The following PPM1L variants were observed in gnomAD, a reference collection of about 807,000 sequenced individuals.
PPM1L encodes protein phosphatase, Mg2+/Mn2+ dependent 1L.
In PPM1L, 13 loss-of-function variants were observed where a neutral mutation model predicts 31.4. The ratio of observed to expected loss-of-function variants is 0.41; its 90% confidence interval spans 0.27 to 0.66. The LOEUF (loss-of-function observed/expected upper bound fraction) is 0.66. Among genes scored for constraint, PPM1L ranks in the 30% least tolerant of loss-of-function variants. PPM1L has a pLI of 0.29. For synonymous variants in PPM1L, 184 were observed against 175.4 expected (o/e 1.05, Z -0.39); for missense variants, 326 against 453.7 (o/e 0.72, Z 2.56).
At chr3:160,794,262 A>G (rs950652445) in intron 1 of PPM1L, among the ~76,000 whole-genome samples, 5 of 152,170 alleles carry the variant, frequency 3.3e-5, no homozygotes, top group Non-Finnish European at 5.9e-5. Flanking sequence ...ATGTCAAATT[A>G]CTTGTCGACC....
chr3:160,915,638 C>A (rs1394043324), intron 1 of PPM1L, among the ~76,000 whole-genome samples: 2 of 152,194 alleles, frequency 1.3e-5, no homozygotes, highest in Non-Finnish European at 2.9e-5. Context: ...CTGGGGGCAT[C>A]ATGCTACCTG....
intron 2 of PPM1L, among the ~76,000 whole-genome samples, chr3:161,051,408 A>T (rs1471033493): frequency 6.6e-6 from 1 of 151,160 alleles, no homozygotes; most frequent in Non-Finnish European, 1.5e-5. Context: ...ACACACAACC[A>T]TCCTGTCCTA....
chr3:161,005,149 C>T (rs928799426), intron 2 of PPM1L, among the ~76,000 whole-genome samples: 1 of 151,798 alleles, frequency 6.6e-6, no homozygotes, highest in African/African-American at 2.4e-5. Flanking sequence ...TTATTTCTGC[C>T]TTCATTTTGT....
At chr3:160,873,482 C>A (rs111996327) in intron 1 of PPM1L, among the ~76,000 whole-genome samples, 23 of 152,258 alleles carry the variant, frequency 1.5e-4, no homozygotes, top group Non-Finnish European at 2.8e-4. Context: ...GTGAAGAGAA[C>A]AAACACATTT....
chr3:160,983,386 T>A (rs1716863669), intron 2 of PPM1L, among the ~76,000 whole-genome samples: 1 of 152,054 alleles, frequency 6.6e-6, no homozygotes, highest in Non-Finnish European at 1.5e-5. Context: ...GAAAATGAGC[T>A]TGTCTAAAAA....
chr3:160,759,908 T>C (rs1714923775), intron 1 of PPM1L, among the ~76,000 whole-genome samples: 1 of 152,180 alleles, frequency 6.6e-6, no homozygotes. Flanking sequence ...ATAATGCCTG[T>C]AAGGTGCACC....
At chr3:160,757,133 A>G (rs1420665953) in intron 1 of PPM1L, among the ~76,000 whole-genome samples, 1 of 152,190 alleles carries the variant, frequency 6.6e-6, no homozygotes, top group East Asian at 1.9e-4. Context: ...ACAATATCTT[A>G]TGCTTCATTA....
intron 2 of PPM1L, among the ~76,000 whole-genome samples, chr3:161,055,387 G>T (rs1169893515): frequency 6.6e-6 from 1 of 152,046 alleles, no homozygotes; most frequent in African/African-American, 2.4e-5. Context: ...GGCTGTGGAA[G>T]GTGGGGGCTG....
At chr3:160,772,628 C>T (rs116275735) in intron 1 of PPM1L, among the ~76,000 whole-genome samples, 177 of 152,282 alleles carry the variant, frequency 1.2e-3, no homozygotes, top group African/African-American at 4.0e-3. Context: ...TATATACCCA[C>T]GAAACCATTG....
chr3:160,934,711 G>C (rs1203142814), intron 1 of PPM1L, among the ~76,000 whole-genome samples: 1 of 152,102 alleles, frequency 6.6e-6, no homozygotes, highest in Non-Finnish European at 1.5e-5. Flanking sequence ...CCAGCACTTT[G>C]GGAGGCCGAA....
At chr3:160,987,612 C>G (rs1717005465) in intron 2 of PPM1L, among the ~76,000 whole-genome samples, 1 of 152,162 alleles carries the variant, frequency 6.6e-6, no homozygotes, top group African/African-American at 2.4e-5. Flanking sequence ...GTATCTTCTT[C>G]AAATTTTCGG....
chr3:160,997,823 CCTTT>C (rs1717372318), intron 2 of PPM1L, among the ~76,000 whole-genome samples: 1 of 152,118 alleles, frequency 6.6e-6, no homozygotes, highest in African/African-American at 2.4e-5. Flanking sequence ...TAAATTTCCT[CCTTT>C]CTTCTAGATT....
chr3:160,862,755 A>T (rs1293903515), intron 1 of PPM1L, among the ~76,000 whole-genome samples: 1 of 151,560 alleles, frequency 6.6e-6, no homozygotes, highest in Non-Finnish European at 1.5e-5. Context: ...TCAATTTTCA[A>T]TGACAACTAT....
intron 2 of PPM1L, among the ~76,000 whole-genome samples, chr3:160,972,135 T>A (rs1716360897): frequency 6.6e-6 from 1 of 152,228 alleles, no homozygotes; most frequent in African/African-American, 2.4e-5. Flanking sequence ...TATATTAATA[T>A]GCTATCAGCA....
intron 2 of PPM1L, among the ~76,000 whole-genome samples, chr3:160,964,183 G>T (rs1015042832): frequency 6.6e-6 from 1 of 151,892 alleles, no homozygotes; most frequent in Non-Finnish European, 1.5e-5. Context: ...GCACAACATG[G>T]GGGTTAGGGA....
At chr3:161,006,412 A>C (rs2108058106) in intron 2 of PPM1L, among the ~76,000 whole-genome samples, 2 of 152,314 alleles carry the variant, frequency 1.3e-5, no homozygotes, top group African/African-American at 4.8e-5. Flanking sequence ...GAGATGAAAA[A>C]ATTCTAAAGA....
In PPM1L at chr3:160,759,671, G is replaced by A. The variant is rs557152759; in HGVS notation, c.399+2964G>A. On this transcript the variant is annotated intron_variant, in intron 1 of 3. Coordinates refer to ENST00000498165, the MANE Select transcript of PPM1L (RefSeq NM_139245.4). The stretch of plus-strand genomic sequence containing the variant: ...ACACCAAAAATTATAGTCATGGTGC[G>A]CTTAGAGTGTTACGGTGACACAGAG... Among the ~76,000 whole-genome samples, 580 of 152,250 alleles carry A rather than the reference G, an allele frequency of 3.8e-3. 3 individuals carry two copies. The highest frequency in any genetic ancestry group is 6.1e-3 in the Non-Finnish European group (412 of 68,018).
At chr3:161,052,422 G>A (rs1174162171) in intron 2 of PPM1L, among the ~76,000 whole-genome samples, 2 of 152,218 alleles carry the variant, frequency 1.3e-5, no homozygotes, top group Non-Finnish European at 2.9e-5. Context: ...CATCTTCGTA[G>A]TCCTGGGGTG....
chr3:160,980,506 G>A (rs1251211211), intron 2 of PPM1L, among the ~76,000 whole-genome samples: 10 of 151,504 alleles, frequency 6.6e-5, no homozygotes, highest in Non-Finnish European at 1.2e-4. Context: ...GCAAAACCCC[G>A]TCTCTACAAA....
Sources: gnomAD v4.1 joint callset for allele counts (sites outside exome capture counted in the v4.1 genomes callset) on GRCh38, gnomAD v4.1.1 for gene constraint, MANE v1.5 for transcripts, NCBI Gene and HGNC (gene_info 2026-07-23, HGNC 2026-07-21) for gene names.